Variants in C14orf39 observed in about 807,000 individuals in gnomAD.
C14orf39 encodes chromosome 14 open reading frame 39, also known as protein SIX6OS1.
C14orf39 carries 66 observed loss-of-function variants against 85.6 expected under a neutral mutation model. The ratio of observed to expected loss-of-function variants is 0.77; its 90% CI spans 0.63 to 0.95. C14orf39 has a LOEUF of 0.95. Ranked by LOEUF, C14orf39 falls within the 40% of genes least tolerant of loss-of-function variation. C14orf39 has a pLI of 0.00. For missense variants in C14orf39, 735 were observed against 663.9 expected (o/e 1.11, Z -1.18); for synonymous variants, 242 against 214.0 (o/e 1.13, Z -1.14).
intron 5 of C14orf39, 50 bp from the exon 6 acceptor site, chr14:60,471,789 A>C: frequency 2.7e-6 from 3 of 1,107,090 alleles, no homozygotes; most frequent in Non-Finnish European, 3.9e-6. Context: ...CAGATCTAAA[A>C]ACTTTGTGAA....
At chr14:60,487,307 C>T (rs1364363854), upstream of C14orf39, among the ~76,000 whole-genome samples, 1 of 152,184 alleles carries the variant, frequency 6.6e-6, no homozygotes, top group Non-Finnish European at 1.5e-5. Flanking sequence ...CCACTGGCAA[C>T]CACCATTCTA....
At chr14:60,452,216 C>A (rs2882531) in intron 16 of C14orf39, among the ~76,000 whole-genome samples, 1 of 149,164 alleles carries the variant, frequency 6.7e-6, no homozygotes, top group Non-Finnish European at 1.5e-5. Context: ...TAACCACAAT[C>A]GAAAAAGAGA....
At chr14:60,486,993 A>G, upstream of C14orf39, among the ~76,000 whole-genome samples, 1 of 152,174 alleles carries the variant, frequency 6.6e-6, no homozygotes, top group Non-Finnish European at 1.5e-5. Flanking sequence ...GGCATAATTG[A>G]CAAATAAAAA....
intron 16 of C14orf39, among the ~76,000 whole-genome samples, chr14:60,449,552 G>A (rs1192161375): frequency 6.6e-6 from 1 of 152,050 alleles, no homozygotes. Flanking sequence ...TAGAAAGTAA[G>A]TTTCCCTCAC....
intron 11 of C14orf39, among the ~76,000 whole-genome samples, chr14:60,465,337 T>G (rs1261886025): frequency 6.6e-6 from 1 of 152,080 alleles, no homozygotes; most frequent in African/African-American, 2.4e-5. Flanking sequence ...TGGGGAAAGA[T>G]AAAAAAGTGT....
chr14:60,460,882 G>A (rs145360797), intron 13 of C14orf39, among the ~76,000 whole-genome samples: 1,643 of 150,926 alleles, frequency 0.011, 113 homozygotes, highest in Admixed American at 0.1. Context: ...AATAGTAAAA[G>A]AACTGAAAAA....
At chr14:60,473,973 G>A (rs1195036965) in intron 5 of C14orf39, among the ~76,000 whole-genome samples, 1 of 152,160 alleles carries the variant, frequency 6.6e-6, no homozygotes, top group Non-Finnish European at 1.5e-5. Flanking sequence ...GGATGGCATT[G>A]AATCTATAAA....
At chr14:60,478,468 ATTAT>A in intron 4 of C14orf39, 79 bp from the exon 5 acceptor site, 3 of 710,290 alleles carry the variant, frequency 4.2e-6, no homozygotes, top group Non-Finnish European at 6.5e-6. Context: ...AAAGAACATA[ATTAT>A]TTAAAGAGAA....
In C14orf39 at chr14:60,471,703, T is replaced by G. The variant is rs762728213; in HGVS notation, c.360A>C (p.Glu120Asp). 17 of 1,570,248 alleles carry G rather than the reference T, an allele frequency of 1.1e-5. No homozygotes were observed. Among genetic ancestry groups the G allele is most frequent in the Non-Finnish European group, 1.5e-5 (17 of 1,150,242 alleles). ...MYHDYICQYK[E>D]VLKQYQLKYS... ...ATTTTAGTTGGTACTGCTTCAAAAC[T>G]TCTTTATACTGACATATATAATCAT... The change falls in exon 6 of 18, where the codon GAA (glutamate) becomes GAC (aspartate). Residue 120 changes from glutamate (E) to aspartate (D), a missense_variant. Coordinates refer to ENST00000321731, the MANE Select transcript of C14orf39 (RefSeq NM_174978.3).
At chr14:60,447,474 T>C (rs1213363248) in intron 16 of C14orf39, among the ~76,000 whole-genome samples, 1 of 151,940 alleles carries the variant, frequency 6.6e-6, no homozygotes, top group East Asian at 1.9e-4. Flanking sequence ...ATACCAGAAA[T>C]ACAACTTACA....
chr14:60,492,693 G>C (rs1893009313), intron 2 of C14orf39, among the ~76,000 whole-genome samples: 2 of 152,230 alleles, frequency 1.3e-5, no homozygotes, highest in South Asian at 2.1e-4. Flanking sequence ...TGACGCAGGA[G>C]GATGGCTTGA....
At chr14:60,499,056 C>T (rs1334024397) in intron 2 of C14orf39, among the ~76,000 whole-genome samples, 3 of 152,088 alleles carry the variant, frequency 2.0e-5, no homozygotes, top group Non-Finnish European at 4.4e-5. Flanking sequence ...ATCAGTTTAA[C>T]ACCAGCCTGG....
upstream of C14orf39, among the ~76,000 whole-genome samples, chr14:60,486,685 A>G (rs1892901103): frequency 6.6e-6 from 1 of 152,208 alleles, no homozygotes; most frequent in African/African-American, 2.4e-5. Context: ...TCCTTTGTAT[A>G]TTTCTCGTAG....
At chr14:60,478,688 A>G (rs1398538429) in intron 4 of C14orf39, among the ~76,000 whole-genome samples, 1 of 152,166 alleles carries the variant, frequency 6.6e-6, no homozygotes, top group African/African-American at 2.4e-5. Flanking sequence ...CATTTCTATT[A>G]TACACTCTGT....
In C14orf39 at chr14:60,509,817, G is replaced by T. The variant is rs1594631470; in HGVS notation, c.-144+5578C>A. On this transcript the variant is annotated intron_variant, in intron 1 of 5. Transcript: ENST00000556799. The stretch of plus-strand genomic sequence containing the variant: ...ACACACTGCTTCAAGGAGCGCACGC[G>T]GCACCTGCTACGCGAGTGGTACCTG... 4 of 1,613,868 alleles carry T rather than the reference G, an allele frequency of 2.5e-6. No homozygotes were observed. The East Asian group carries it at 8.9e-5, about 36-fold the overall frequency.
chr14:60,463,373 T>A (rs1009888987), intron 11 of C14orf39, among the ~76,000 whole-genome samples: 1 of 152,174 alleles, frequency 6.6e-6, no homozygotes, highest in African/African-American at 2.4e-5. Flanking sequence ...TCTTTTAACT[T>A]TGTTAGTGTC....
At chr14:60,462,471 C>G (rs1454844774) in intron 11 of C14orf39, among the ~76,000 whole-genome samples, 1 of 152,224 alleles carries the variant, frequency 6.6e-6, no homozygotes, top group South Asian at 2.1e-4. Flanking sequence ...CCTTGAATCA[C>G]TCATTTTAAA....
At chr14:60,467,144 G>C (rs955514916) in intron 9 of C14orf39, 100 bp from the exon 10 acceptor site, 2 of 491,538 alleles carry the variant, frequency 4.1e-6, no homozygotes, top group African/African-American at 4.0e-5. Flanking sequence ...AAAACCCCTC[G>C]TTTTGCAGAT....
At chr14:60,459,102 C>T (rs1891405245) in intron 13 of C14orf39, among the ~76,000 whole-genome samples, 1 of 151,594 alleles carries the variant, frequency 6.6e-6, no homozygotes, top group African/African-American at 2.4e-5. Context: ...AATAATATAG[C>T]CTATTTTTCC....
Sources: gnomAD v4.1 joint callset for allele counts (sites outside exome capture counted in the v4.1 genomes callset) on GRCh38, gnomAD v4.1.1 for gene constraint, MANE v1.5 for transcripts, NCBI Gene and HGNC (gene_info 2026-07-23, HGNC 2026-07-21) for gene names.